PTPRE: variants seen among roughly 807,000 people sequenced by gnomAD.
The protein encoded by PTPRE is receptor-type tyrosine-protein phosphatase epsilon.
PTPRE carries 51 observed loss-of-function variants against 102.0 expected under a neutral mutation model. The observed-to-expected ratio is 0.50, with a 90% CI of 0.40 to 0.63. The LOEUF (loss-of-function observed/expected upper bound fraction) is 0.63. Among genes scored for constraint, PTPRE ranks in the 30% least tolerant of loss-of-function variants. The pLI, the probability that PTPRE is intolerant of heterozygous loss-of-function variation, is 0.00. For synonymous variants in PTPRE, 345 were observed against 348.2 expected (o/e 0.99, Z 0.10); for missense variants, 752 against 915.1 (o/e 0.82, Z 2.30).
intron 1 of PTPRE, among the ~76,000 whole-genome samples, chr10:127,957,741 TTGG>T (rs1225658649): frequency 6.6e-6 from 1 of 152,210 alleles, no homozygotes; most frequent in African/African-American, 2.4e-5. Context: ...ACAAAATAAC[TTGG>T]TGGAGATTTT....
intron 1 of PTPRE, among the ~76,000 whole-genome samples, chr10:127,978,955 G>A (rs1240876816): frequency 6.6e-6 from 1 of 152,076 alleles, no homozygotes; most frequent in East Asian, 1.9e-4. Flanking sequence ...CAGGAGGCAG[G>A]GGCTGCAGTG....
Position 127,944,338 on chromosome 10 carries a change from T to A in PTPRE, c.-31+37029T>A, listed in dbSNP as rs1168243135. Reference sequence around the variant, plus strand: ...AAATATTGATTGAATGGCTAAATGGTGGGTGGGTGGATGGATGGATGGACG... The same window carrying A: ...AAATATTGATTGAATGGCTAAATGGAGGGTGGGTGGATGGATGGATGGACG... On this transcript the variant is annotated intron_variant, in intron 1 of 20. Coordinates refer to ENST00000254667, the MANE Select transcript of PTPRE (RefSeq NM_006504.6). The surrounding 1 kb of genome is among the most constrained non-coding windows in gnomAD (Gnocchi z 4.2). Among the ~76,000 whole-genome samples the A allele has an allele frequency of 6.6e-6, 1 of 152,078 alleles. No homozygotes were observed. Among genetic ancestry groups the A allele is most frequent in the African/African-American group, 2.4e-5 (1 of 41,398 alleles).
rs139958931 is a variant in PTPRE, at chr10:127,977,272, G to A, written c.-30-5002G>A. Among the ~76,000 whole-genome samples the A allele has an allele frequency of 2.5e-3, 374 of 152,206 alleles. 1 individual carries two copies. Among genetic ancestry groups the A allele is most frequent in the African/African-American group, 8.4e-3 (350 of 41,514 alleles). On this transcript the variant is annotated intron_variant, in intron 1 of 20. Coordinates refer to ENST00000254667, the MANE Select transcript of PTPRE (RefSeq NM_006504.6). ...GACTGCTTCAAGGTCAGTATCTCTG[G>A]CATTTAACTGCATGAAGTGGAGTTT...
At chr10:127,938,097 G>T (rs1377916082) in intron 1 of PTPRE, among the ~76,000 whole-genome samples, 1 of 152,216 alleles carries the variant, frequency 6.6e-6, no homozygotes, top group African/African-American at 2.4e-5. Context: ...AGGAGACCTT[G>T]CCTCTTGCCA....
intron 17 of PTPRE, among the ~76,000 whole-genome samples, chr10:128,074,829 G>T (rs10741142): frequency 1.3e-4 from 20 of 152,048 alleles, no homozygotes; most frequent in Admixed American, 3.3e-4. Flanking sequence ...ACATTTTTGA[G>T]GACCTGCCAG....
At chr10:128,081,577 A>G (rs555664926) in intron 20 of PTPRE, among the ~76,000 whole-genome samples, 1 of 152,132 alleles carries the variant, frequency 6.6e-6, no homozygotes, top group East Asian at 2.0e-4. Flanking sequence ...TATTCAGTCA[A>G]TGTTGCTTTA....
At chr10:127,910,434 C>T (rs570610662) in intron 1 of PTPRE, among the ~76,000 whole-genome samples, 2 of 152,344 alleles carry the variant, frequency 1.3e-5, no homozygotes, top group South Asian at 4.1e-4. Context: ...AACGTTATTT[C>T]TGCCTGTCCT....
At chr10:127,968,242 T>G (rs1850414827) in intron 1 of PTPRE, among the ~76,000 whole-genome samples, 1 of 152,162 alleles carries the variant, frequency 6.6e-6, no homozygotes. Context: ...AATGCTGAAG[T>G]CAACTGCACT....
chr10:127,949,670 G>T (rs529086944), intron 1 of PTPRE, among the ~76,000 whole-genome samples: 2 of 152,126 alleles, frequency 1.3e-5, no homozygotes, highest in African/African-American at 4.8e-5. Context: ...GGTGAGCTCC[G>T]GTATTCACAT....
chr10:128,047,459 T>C lies in PTPRE; in HGVS notation c.179T>C (p.Leu60Pro). The change falls in exon 4 of 21, where the codon CTC (leucine) becomes CCC (proline). Residue 60 changes from leucine to proline, a missense_variant. Physicochemically the swap from Leu to Pro is moderately conservative, Grantham distance 98. Around this residue, in one of 2 missense-constraint regions of PTPRE, gnomAD observed 116 missense variants for 90.8 expected, o/e 1.28. Coordinates refer to ENST00000254667, the MANE Select transcript of PTPRE (RefSeq NM_006504.6). ...CTACTGCCGCTGCTGCTCCTCCTCC[T>C]CGTGCTCCTTCTCGCCGCCTACTTC... ...WLLLPLLLLL[L>P]VLLLAAYFFR... is the part of the protein sequence containing the mutation. 1.9e-6 allele frequency: 3 copies of C among 1,613,390 alleles called. No individual in the cohort carries two copies. The highest frequency in any genetic ancestry group is 2.2e-5 in the South Asian group (2 of 91,058).
At chr10:128,080,881 A>T (rs1323033316) in intron 20 of PTPRE, among the ~76,000 whole-genome samples, 1 of 152,190 alleles carries the variant, frequency 6.6e-6, no homozygotes, top group African/African-American at 2.4e-5. Flanking sequence ...AGAGTCACTA[A>T]ATAACCATCA....
chr10:128,068,069 G>C, intron 11 of PTPRE, 54 bp from the exon 12 acceptor site: 1 of 1,561,778 alleles, frequency 6.4e-7, no homozygotes, highest in Non-Finnish European at 8.7e-7. Context: ...GAGATGCTGG[G>C]GGAGCAGGGG....
chr10:127,958,412 T>C (rs1242829715), intron 1 of PTPRE, among the ~76,000 whole-genome samples: 1 of 152,262 alleles, frequency 6.6e-6, no homozygotes. Context: ...GAGTCAGTTT[T>C]GAATTTTGTC....
intron 2 of PTPRE, among the ~76,000 whole-genome samples, chr10:128,009,973 C>T (rs1200267163): frequency 6.6e-6 from 1 of 152,186 alleles, no homozygotes; most frequent in East Asian, 1.9e-4. Flanking sequence ...TGAGCAATGA[C>T]CATGAGCTGA....
intron 1 of PTPRE, among the ~76,000 whole-genome samples, chr10:127,958,956 G>C (rs1849596914): frequency 6.7e-6 from 1 of 149,426 alleles, no homozygotes; most frequent in African/African-American, 2.5e-5. Flanking sequence ...GAGTGCAATG[G>C]CACGATCTCA....
At chr10:128,066,787 A>G (rs1850131384) in intron 11 of PTPRE, among the ~76,000 whole-genome samples, 1 of 152,226 alleles carries the variant, frequency 6.6e-6, no homozygotes, top group Non-Finnish European at 1.5e-5. Context: ...CTGAGGTTCC[A>G]AGAAGCCACA....
At chr10:128,067,385 C>T (rs1304436148) in intron 11 of PTPRE, among the ~76,000 whole-genome samples, 1 of 76,544 alleles carries the variant, frequency 1.3e-5, no homozygotes, top group African/African-American at 5.3e-5. Context: ...CACATTCACA[C>T]ATGTGCACAC....
At chr10:127,999,492 C>G in intron 2 of PTPRE, 2 of 980,938 alleles carry the variant, frequency 2.0e-6, no homozygotes, top group Non-Finnish European at 2.4e-6. Context: ...GAGCAGGGCG[C>G]TCTCGCCTTC....
intron 2 of PTPRE, among the ~76,000 whole-genome samples, chr10:128,029,135 G>A (rs1846508868): frequency 2.0e-5 from 3 of 152,226 alleles, no homozygotes; most frequent in Admixed American, 2.0e-4. Context: ...CTGCTGTGCT[G>A]TGGTGCACGT....
Sources: gnomAD v4.1 joint callset for allele counts (sites outside exome capture counted in the v4.1 genomes callset) on GRCh38, gnomAD v4.1.1 for gene constraint, gnomAD v4.1.1 regional missense constraint, Gnocchi (gnomAD v3.1) non-coding constraint, MANE v1.5 for transcripts, NCBI Gene and HGNC (gene_info 2026-07-23, HGNC 2026-07-21) for gene names.